The following ABHD12 variants were observed in gnomAD, a reference collection of about 807,000 sequenced individuals.
The protein encoded by ABHD12 is abhydrolase domain containing 12, lysophospholipase, also known as lysophosphatidylserine lipase ABHD12.
ABHD12 carries 43 observed loss-of-function variants against 58.3 expected under a neutral mutation model. That is an observed-to-expected ratio of 0.74 (90% CI 0.58 to 0.95). The LOEUF is 0.95. ABHD12 is among the 40% of genes least tolerant of loss of function. The probability of loss-of-function intolerance (pLI) is 0.00; values close to 1 mark genes in which losing one functional copy is unlikely to be tolerated. For synonymous variants in ABHD12, 219 were observed against 211.2 expected (o/e 1.04, Z -0.32); for missense variants, 539 against 537.2 (o/e 1.00, Z -0.03).
At chr20:25,310,900 G>A (rs553072563) in intron 6 of ABHD12, among the ~76,000 whole-genome samples, 62 of 152,340 alleles carry the variant, frequency 4.1e-4, no homozygotes, top group African/African-American at 1.4e-3. Context: ...AAAGTGCTGC[G>A]TGGGATTTCA....
chr20:25,322,377 A>ATTTTTT (rs1483645613), intron 3 of ABHD12, among the ~76,000 whole-genome samples: 1 of 42,274 alleles, frequency 2.4e-5, no homozygotes. Flanking sequence ...ATATATATAT[A>ATTTTTT]TATATTTTTT....
At chr20:25,343,623 G>A (rs1289449161) in intron 1 of ABHD12, among the ~76,000 whole-genome samples, 1 of 152,156 alleles carries the variant, frequency 6.6e-6, no homozygotes, top group African/African-American at 2.4e-5. Context: ...GGCCAACATG[G>A]GGAAATCCTG....
Position 25,300,509 on chromosome 20 carries a change from C to T in ABHD12, c.*336G>A. On this transcript the variant is annotated 3_prime_UTR_variant, in exon 13 of 13. Coordinates refer to ENST00000339157, the MANE Select transcript of ABHD12 (RefSeq NM_001042472.3). Reference sequence around the variant, plus strand: ...CATGGTCCCGAGCCCCAAGAGTCCCCTGCCCGGACTCCCCCTGTCCAGCTC... The same window carrying T: ...CATGGTCCCGAGCCCCAAGAGTCCCTTGCCCGGACTCCCCCTGTCCAGCTC... 3 of 1,309,952 alleles carry T rather than the reference C, an allele frequency of 2.3e-6. No homozygotes were observed. Among genetic ancestry groups the T allele is most frequent in the Non-Finnish European group, 2.9e-6 (3 of 1,022,200 alleles). 81.1% of individuals were successfully genotyped at this position (1,309,952 alleles called of 1,614,324 possible).
chr20:25,307,879 T>C lies in ABHD12; in HGVS notation c.867+87A>G, dbSNP rs1225149330. 6 of 537,784 alleles carry C rather than the reference T, an allele frequency of 1.1e-5. 2 individuals carry two copies. Among genetic ancestry groups the C allele is most frequent in the Non-Finnish European group, 1.8e-5 (6 of 324,772 alleles). The allele number at this position is 537,784 out of a possible 1,614,324, so 33.3% of individuals were successfully genotyped here. A position where few individuals can be genotyped will look rare whatever the true frequency, so the allele number is the denominator to read the frequency against. ...AGAATATTTAAATAACAATTTTTAA[T>C]AATTATTATAATGTATCCTGTAATT... On this transcript the variant is annotated intron_variant, in intron 9 of 12. Coordinates refer to ENST00000339157, the MANE Select transcript of ABHD12 (RefSeq NM_001042472.3).
At chr20:25,342,103 C>CAA (rs11476197) in intron 1 of ABHD12, among the ~76,000 whole-genome samples, 1,540 of 69,708 alleles carry the variant, frequency 0.022, 35 homozygotes, top group African/African-American at 0.072. Flanking sequence ...AACTCTGTCT[C>CAA]AAAAAAAAAA....
At chr20:25,302,783 C>T (rs920229686) in intron 11 of ABHD12, among the ~76,000 whole-genome samples, 3 of 152,196 alleles carry the variant, frequency 2.0e-5, no homozygotes, top group African/African-American at 7.2e-5. Flanking sequence ...CTGTGCGCTG[C>T]TGGGCGGCTC....
chr20:25,295,251 AG>A (rs1163430684), downstream of ABHD12, among the ~76,000 whole-genome samples: 1 of 152,256 alleles, frequency 6.6e-6, no homozygotes, highest in East Asian at 1.9e-4. Context: ...CCCTGCCCTG[AG>A]GCGGCGCCAT....
intron 2 of ABHD12, among the ~76,000 whole-genome samples, chr20:25,337,663 A>G (rs571965410): frequency 1.3e-5 from 2 of 152,352 alleles, no homozygotes; most frequent in Non-Finnish European, 2.9e-5. Context: ...CACCTGCCCA[A>G]GGGGGCCAGC....
At chr20:25,384,334 T>G (rs1483409224) in intron 1 of ABHD12, among the ~76,000 whole-genome samples, 1 of 144,500 alleles carries the variant, frequency 6.9e-6, no homozygotes, top group African/African-American at 2.5e-5. Flanking sequence ...TGGTTTGGGG[T>G]TTTTTTTTTA....
chr20:25,358,052 G>T (rs898277326), intron 1 of ABHD12, among the ~76,000 whole-genome samples: 2 of 152,100 alleles, frequency 1.3e-5, no homozygotes, highest in Non-Finnish European at 2.9e-5. Context: ...GACAGCAGGG[G>T]TGGGGGAAAT....
chr20:25,320,092 G>T (rs1568725659), intron 4 of ABHD12, 107 bp downstream of exon 4: 15 of 1,519,476 alleles, frequency 9.9e-6, no homozygotes, highest in Non-Finnish European at 1.3e-5. Flanking sequence ...CCAATTTTGT[G>T]GGACCGCAGG....
intron 2 of ABHD12, among the ~76,000 whole-genome samples, chr20:25,326,110 AAGGGG>A (rs372081778): frequency 2.0e-4 from 28 of 137,236 alleles, no homozygotes; most frequent in African/African-American, 5.1e-4. Flanking sequence ...GAAAGAAGTG[AAGGGG>A]AGGGGAGGGG....
rs145173796 is a variant in ABHD12, at chr20:25,366,353, G to A, written c.191+24160C>T. 1.3e-4 allele frequency among the ~76,000 whole-genome samples: 19 copies of A among 151,426 alleles called. No homozygotes were observed. The East Asian group carries it at 2.1e-3, about 17-fold the overall frequency. On this transcript the variant is annotated intron_variant, in intron 1 of 12. Coordinates refer to ENST00000339157, the MANE Select transcript of ABHD12 (RefSeq NM_001042472.3). ...TGCAATGGTGTGATCTCGGCTTACC[G>A]CAACCTCCACCTCCCAGGTTCTCCT...
At chr20:25,342,518 A>G (rs1192147936) in intron 1 of ABHD12, among the ~76,000 whole-genome samples, 13 of 150,144 alleles carry the variant, frequency 8.7e-5, no homozygotes, top group Non-Finnish European at 1.9e-4. Context: ...CAAGTCTGTC[A>G]GTGCCATTTT....
At chr20:25,319,133 C>T (rs186717173) in intron 4 of ABHD12, among the ~76,000 whole-genome samples, 1 of 152,358 alleles carries the variant, frequency 6.6e-6, no homozygotes, top group East Asian at 1.9e-4. Context: ...TGGCTCCTGG[C>T]TGCCTCTCTC....
intron 5 of ABHD12, among the ~76,000 whole-genome samples, chr20:25,316,726 C>T (rs535705528): frequency 3.3e-5 from 5 of 152,138 alleles, no homozygotes; most frequent in African/African-American, 4.8e-5. Context: ...CCCAGGAGTT[C>T]GAGACCAGCC....
At chr20:25,319,359 G>T (rs2089023046) in intron 4 of ABHD12, among the ~76,000 whole-genome samples, 1 of 152,172 alleles carries the variant, frequency 6.6e-6, no homozygotes, top group Non-Finnish European at 1.5e-5. Context: ...GATAAAACTG[G>T]GCAGGGCTGA....
intron 1 of ABHD12, among the ~76,000 whole-genome samples, chr20:25,371,022 C>G (rs1386354822): frequency 6.6e-6 from 1 of 152,048 alleles, no homozygotes; most frequent in Non-Finnish European, 1.5e-5. Context: ...CTCTACTGTT[C>G]TACTTCCTCT....
At chr20:25,371,879 C>T (rs1348091775) in intron 1 of ABHD12, among the ~76,000 whole-genome samples, 1 of 152,192 alleles carries the variant, frequency 6.6e-6, no homozygotes, top group African/African-American at 2.4e-5. Flanking sequence ...AAGCTAAAGT[C>T]ATCAATTGAA....
Sources: allele counts gnomAD v4.1 joint callset (sites outside exome capture counted in the v4.1 genomes callset), GRCh38; gene constraint gnomAD v4.1.1; transcripts MANE v1.5; gene names NCBI Gene and HGNC (gene_info 2026-07-23, HGNC 2026-07-21).